The following MSH3 variants were observed in gnomAD, a reference collection of about 807,000 sequenced individuals.
MSH3 encodes DNA mismatch repair protein Msh3.
Under a neutral mutation model 123.3 loss-of-function variants are expected in MSH3, and 106 were observed. The ratio of observed to expected loss-of-function variants is 0.86; its 90% CI spans 0.73 to 1.01. MSH3 has a LOEUF of 1.01. Ranked by LOEUF, MSH3 falls within the 50% of genes least tolerant of loss-of-function variation. The pLI is 0.00. For synonymous variants in MSH3, 515 were observed against 481.4 expected (o/e 1.07, Z -0.91); for missense variants, 1,459 against 1,347.6 (o/e 1.08, Z -1.29).
At chr5:80,842,846 G>C (rs936599456) in intron 20 of MSH3, among the ~76,000 whole-genome samples, 49 of 152,226 alleles carry the variant, frequency 3.2e-4, no homozygotes, top group Admixed American at 1.8e-3. Context: ...CATGTCATCT[G>C]CAAACAGGGA....
At position 80,729,304 on chromosome 5, in the gene MSH3, A is replaced by G. The variant is rs372786764; in HGVS notation, c.1568+339A>G. ...GTGGTGGGCGCCTGTAGTCCCAGCT[A>G]CTAGGGAGGCTGAGACAGGAGAATG... On this transcript the variant is annotated intron_variant, in intron 10 of 23. Coordinates refer to ENST00000265081, the MANE Select transcript of MSH3 (RefSeq NM_002439.5). Among the ~76,000 whole-genome samples, 7 of 151,460 alleles carry G rather than the reference A, an allele frequency of 4.6e-5. No individual in the cohort carries two copies. The East Asian group carries it at 1.2e-3, about 25-fold the overall frequency.
intron 15 of MSH3, among the ~76,000 whole-genome samples, chr5:80,772,083 A>G (rs1744222698): frequency 1.3e-5 from 2 of 152,162 alleles, no homozygotes; most frequent in African/African-American, 4.8e-5. Context: ...ATGAATATAT[A>G]CCAATTATCT....
chr5:80,810,091 A>T (rs979861755), intron 19 of MSH3, among the ~76,000 whole-genome samples: 1 of 150,170 alleles, frequency 6.7e-6, no homozygotes, highest in African/African-American at 2.5e-5. Flanking sequence ...CTCCATCTTC[A>T]TCTCCTAACC....
intron 20 of MSH3, among the ~76,000 whole-genome samples, chr5:80,832,159 T>C (rs975012528): frequency 6.6e-6 from 1 of 151,918 alleles, no homozygotes. Flanking sequence ...TACAAAGCAC[T>C]TAGAGGATAA....
chr5:80,658,341 G>C (rs1360399125), intron 2 of MSH3, among the ~76,000 whole-genome samples: 1 of 152,206 alleles, frequency 6.6e-6, no homozygotes, highest in Non-Finnish European at 1.5e-5. Context: ...TTACAGGCGT[G>C]AGCCACTGCA....
intron 12 of MSH3, among the ~76,000 whole-genome samples, chr5:80,755,309 C>T (rs1168081598): frequency 1.3e-5 from 2 of 152,198 alleles, no homozygotes; most frequent in African/African-American, 2.4e-5. Context: ...CTTCAACATT[C>T]GGACCTTCAG....
intron 1 of MSH3, chr5:80,655,472 T>G: frequency 4.8e-6 from 1 of 208,584 alleles, no homozygotes; most frequent in Non-Finnish European, 9.8e-6. Context: ...CTTTTTGTAG[T>G]TTAGATTATA....
intron 8 of MSH3, among the ~76,000 whole-genome samples, chr5:80,716,055 C>T (rs974900828): frequency 1.3e-5 from 2 of 152,138 alleles, no homozygotes; most frequent in Non-Finnish European, 2.9e-5. Flanking sequence ...TGAGGGGTAA[C>T]GTGCAGTAGG....
At chr5:80,742,569 TTAAAG>T (rs1275246384) in intron 11 of MSH3, among the ~76,000 whole-genome samples, 1 of 152,220 alleles carries the variant, frequency 6.6e-6, no homozygotes, top group South Asian at 2.1e-4. Context: ...CTATTGCAAA[TTAAAG>T]TAAACACTGA....
chr5:80,705,366 G>GT (rs1388067035), intron 8 of MSH3, among the ~76,000 whole-genome samples: 2 of 152,196 alleles, frequency 1.3e-5, no homozygotes, highest in African/African-American at 4.8e-5. Flanking sequence ...GTAGCTGCTT[G>GT]TAAGAATTGA....
chr5:80,800,941 T>G (rs898644352), intron 19 of MSH3, among the ~76,000 whole-genome samples: 2 of 152,130 alleles, frequency 1.3e-5, no homozygotes, highest in African/African-American at 2.4e-5. Flanking sequence ...TTCTGTAGAT[T>G]GGGTGGTCAA....
rs183245996 is a variant in MSH3, at chr5:80,855,174, G to A, written c.3000+858G>A. Among the ~76,000 whole-genome samples the A allele has an allele frequency of 2.6e-5, 4 of 151,486 alleles. No homozygotes were observed. In the East Asian group the frequency reaches 7.8e-4, roughly 30 times the overall value. The stretch of plus-strand genomic sequence containing the variant: ...TTACTTTCTCTATCTTGTTCATTTT[G>A]GTCTCTGCTTTTCAAATCTCCCCTT... On this transcript the variant is annotated intron_variant, in intron 21 of 23. Coordinates refer to ENST00000265081, the MANE Select transcript of MSH3 (RefSeq NM_002439.5).
chr5:80,864,679 A>G (rs1343193375), intron 21 of MSH3, 134 bp from the exon 22 acceptor site: 23 of 731,800 alleles, frequency 3.1e-5, no homozygotes, highest in South Asian at 1.7e-5. Context: ...TAAACAGTAT[A>G]TAATAATTGG....
chr5:80,827,125 A>G (rs533221122), intron 20 of MSH3, among the ~76,000 whole-genome samples: 1 of 152,320 alleles, frequency 6.6e-6, no homozygotes, highest in South Asian at 2.1e-4. Flanking sequence ...TCAGTAATTA[A>G]GTTTTAGAAA....
chr5:80,757,523 C>A (rs1743948437), intron 12 of MSH3, among the ~76,000 whole-genome samples: 1 of 152,078 alleles, frequency 6.6e-6, no homozygotes, highest in Non-Finnish European at 1.5e-5. Context: ...GTGACACTCA[C>A]ATTTAGTCCT....
At chr5:80,729,479 T>A (rs1300446915) in intron 10 of MSH3, among the ~76,000 whole-genome samples, 1 of 145,210 alleles carries the variant, frequency 6.9e-6, no homozygotes, top group East Asian at 2.0e-4. Flanking sequence ...TATATATATA[T>A]AAAGAATTCT....
Position 80,665,320 on chromosome 5 carries a change from A to G in MSH3, c.536A>G (p.Asn179Ser), listed in dbSNP as rs771327705. The change falls in exon 3 of 24, where the codon AAT (asparagine) becomes AGT (serine). Residue 179 changes from asparagine (N) to serine (S), a missense_variant. By Grantham distance (46) the Asn-to-Ser change is conservative (BLOSUM62 1). Coordinates refer to ENST00000265081, the MANE Select transcript of MSH3 (RefSeq NM_002439.5). ...GATATCAGTCTTCTACACGCAAAGA[A>G]TGCAGTTTCTTCTGAAGATTCGAAA... ...FDDISLLHAK[N>S]AVSSEDSKRQ... 1 of 1,613,454 alleles carries G rather than the reference A, an allele frequency of 6.2e-7. No individual in the cohort carries two copies. Among genetic ancestry groups the G allele is most frequent in the South Asian group, 1.1e-5 (1 of 91,052 alleles).
chr5:80,835,534 A>G (rs552370319), intron 20 of MSH3, among the ~76,000 whole-genome samples: 4 of 152,346 alleles, frequency 2.6e-5, no homozygotes, highest in South Asian at 2.1e-4. Context: ...GGCTTTACCA[A>G]TATAGGAAAG....
intron 8 of MSH3, among the ~76,000 whole-genome samples, chr5:80,715,687 G>A (rs529924390): frequency 2.6e-5 from 4 of 152,218 alleles, no homozygotes; most frequent in East Asian, 1.9e-4. Context: ...ACTTACAGTC[G>A]TGGCAGAAGG....
Sources: allele counts gnomAD v4.1 joint callset (sites outside exome capture counted in the v4.1 genomes callset), GRCh38; gene constraint gnomAD v4.1.1; transcripts MANE v1.5; gene names NCBI Gene and HGNC (gene_info 2026-07-23, HGNC 2026-07-21).